ADD3: variants seen among roughly 807,000 people sequenced by gnomAD.
The protein encoded by ADD3 is gamma-adducin.
In ADD3, 25 loss-of-function variants were observed where a neutral mutation model predicts 80.2. That is an observed-to-expected ratio of 0.31 (90% confidence interval 0.23 to 0.44). The LOEUF (loss-of-function observed/expected upper bound fraction) is 0.44. Ranked by LOEUF, ADD3 falls within the 20% of genes least tolerant of loss-of-function variation. The pLI, the probability that ADD3 is intolerant of heterozygous loss-of-function variation, is 1.00. For missense variants in ADD3, 829 were observed against 847.5 expected (o/e 0.98, Z 0.27); for synonymous variants, 284 against 289.6 (o/e 0.98, Z 0.20).
At chr10:110,009,117 G>T (rs1218367919) in intron 1 of ADD3, among the ~76,000 whole-genome samples, 1 of 152,136 alleles carries the variant, frequency 6.6e-6, no homozygotes, top group African/African-American at 2.4e-5. Context: ...TTGAAAATGG[G>T]AGCGCAAGGA....
At chr10:110,056,149 C>T (rs1858168162) in intron 1 of ADD3, among the ~76,000 whole-genome samples, 2 of 152,198 alleles carry the variant, frequency 1.3e-5, no homozygotes, top group African/African-American at 4.8e-5. Flanking sequence ...ATCACTGCTA[C>T]CCTTCCTTGG....
chr10:110,094,343 ACTT>A (rs1223404735), intron 1 of ADD3, among the ~76,000 whole-genome samples: 2 of 152,210 alleles, frequency 1.3e-5, no homozygotes, highest in Non-Finnish European at 2.9e-5. Flanking sequence ...GAGCAATGTA[ACTT>A]TAGAAAAGTC....
chr10:110,034,168 T>A (rs1855372779), intron 1 of ADD3, among the ~76,000 whole-genome samples: 1 of 152,170 alleles, frequency 6.6e-6, no homozygotes, highest in Admixed American at 6.5e-5. Flanking sequence ...CTCTAGAGTT[T>A]ATTTTTTTGA....
intron 9 of ADD3, chr10:110,123,741 C>G (rs1448812404): frequency 8.9e-6 from 3 of 337,820 alleles, no homozygotes; most frequent in Admixed American, 8.3e-5. Flanking sequence ...TAGAAAAGCA[C>G]TTCTGGTCAG....
intron 2 of ADD3, among the ~76,000 whole-genome samples, chr10:110,111,355 A>G (rs1849981924): frequency 6.6e-6 from 1 of 152,220 alleles, no homozygotes; most frequent in African/African-American, 2.4e-5. Flanking sequence ...GACATGAGCA[A>G]AAGAACAAAT....
At chr10:110,003,639 A>G (rs979368453), upstream of ADD3, among the ~76,000 whole-genome samples, 9 of 152,194 alleles carry the variant, frequency 5.9e-5, no homozygotes, top group African/African-American at 2.2e-4. Context: ...TTAAGGTCAT[A>G]TAACCAGTTG....
chr10:110,059,777 T>A (rs1431532190), intron 1 of ADD3, among the ~76,000 whole-genome samples: 3 of 152,088 alleles, frequency 2.0e-5, no homozygotes, highest in African/African-American at 4.8e-5. Context: ...TCAAAAAAAA[T>A]AAAAAATAAA....
intron 1 of ADD3, among the ~76,000 whole-genome samples, chr10:110,037,588 G>C (rs1855813494): frequency 1.4e-5 from 2 of 147,172 alleles, no homozygotes; most frequent in Non-Finnish European, 3.0e-5. Context: ...CTGGGCGACA[G>C]GGCAAGACTC....
At chr10:110,031,981 A>G (rs1335563580) in intron 1 of ADD3, among the ~76,000 whole-genome samples, 1 of 151,934 alleles carries the variant, frequency 6.6e-6, no homozygotes, top group Admixed American at 6.6e-5. Flanking sequence ...ATTGGCAGCC[A>G]GTTGAACGGT....
Position 110,122,402 on chromosome 10 carries a change from C to G in ADD3, c.1143+110C>G, listed in dbSNP as rs569377577. The G allele has an allele frequency of 1.8e-4, 174 of 949,528 alleles. 1 individual carries two copies. In the African/African-American group the frequency reaches 2.8e-3, roughly 15 times the overall value. 58.8% of individuals were successfully genotyped at this position (949,528 alleles called of 1,614,324 possible). ...ATACTCTTCCAGAAGCTGAGTTTGG[C>G]CCTAGGAAAGCATTTCATTGTTATT... On this transcript the variant is annotated intron_variant, in intron 9 of 14. Transcript: ENST00000356080.
intron 1 of ADD3, among the ~76,000 whole-genome samples, chr10:110,052,557 T>C (rs2133407272): frequency 6.6e-6 from 1 of 152,262 alleles, no homozygotes; most frequent in South Asian, 2.1e-4. Context: ...TCCCCTTTCT[T>C]CCCGACCCCC....
chr10:110,063,512 G>A (rs1305205771), intron 1 of ADD3, among the ~76,000 whole-genome samples: 1 of 151,496 alleles, frequency 6.6e-6, no homozygotes, highest in Non-Finnish European at 1.5e-5. Flanking sequence ...AAATGCTTTG[G>A]TTTTGTGAGA....
At chr10:110,018,450 C>T (rs1853254120) in intron 1 of ADD3, among the ~76,000 whole-genome samples, 1 of 148,946 alleles carries the variant, frequency 6.7e-6, no homozygotes, top group African/African-American at 2.5e-5. Context: ...ATCGCTTGAA[C>T]CTGGGAGGCG....
intron 1 of ADD3, among the ~76,000 whole-genome samples, chr10:110,076,395 T>G (rs1333521564): frequency 6.6e-6 from 1 of 152,226 alleles, no homozygotes. Flanking sequence ...ATAAAATTTT[T>G]TAAAGTATGG....
intron 1 of ADD3, among the ~76,000 whole-genome samples, chr10:110,084,082 A>T (rs1846399370): frequency 6.6e-6 from 1 of 152,206 alleles, no homozygotes; most frequent in African/African-American, 2.4e-5. Context: ...GAAAAACAAG[A>T]GTCCTACTTC....
rs575860621 is a variant in ADD3 at position 110,067,044 on chromosome 10, A to G, written c.-29-33581A>G. Among the ~76,000 whole-genome samples, 6 of 152,338 alleles carry G rather than the reference A, an allele frequency of 3.9e-5. No homozygotes were observed. In the South Asian group the frequency reaches 1.2e-3, roughly 32 times the overall value. On this transcript the variant is annotated intron_variant, in intron 1 of 14. Coordinates refer to ENST00000356080, the MANE Select transcript of ADD3 (RefSeq NM_016824.5). ...AGGTGCACTGATTGGTTTCTGGTTT[A>G]GCAAGCACACCTTGACTTTTGTATT...
intron 1 of ADD3, among the ~76,000 whole-genome samples, chr10:110,079,527 C>T (rs1179052848): frequency 5.1e-5 from 6 of 116,934 alleles, no homozygotes; most frequent in African/African-American, 1.9e-4. Flanking sequence ...CTTTTTAATA[C>T]ATATAAAATT....
intron 7 of ADD3, 55 bp from the exon 8 acceptor site, chr10:110,119,411 A>G: frequency 6.2e-7 from 1 of 1,613,220 alleles, no homozygotes; most frequent in Non-Finnish European, 8.5e-7. Flanking sequence ...GTTGATGAAA[A>G]CAGTGTGAGC....
At chr10:110,034,182 C>A (rs1349759152) in intron 1 of ADD3, among the ~76,000 whole-genome samples, 3 of 152,068 alleles carry the variant, frequency 2.0e-5, no homozygotes, top group African/African-American at 7.2e-5. Context: ...TTTTTGATTA[C>A]ATTTTGGAAC....
Sources: allele counts gnomAD v4.1 joint callset (sites outside exome capture counted in the v4.1 genomes callset), GRCh38; gene constraint gnomAD v4.1.1; transcripts MANE v1.5; gene names NCBI Gene and HGNC (gene_info 2026-07-23, HGNC 2026-07-21).